The following ZNF28 variants were observed in gnomAD, a reference collection of about 807,000 sequenced individuals.
The protein encoded by ZNF28 is zinc finger protein KOX24.
Under a neutral mutation model 7.2 loss-of-function variants are expected in ZNF28, and 5 were observed. The observed-to-expected ratio is 0.70, with a 90% CI of 0.36 to 1.46. ZNF28 has a LOEUF of 1.46. ZNF28 is among the 40% of genes most tolerant of loss of function. The pLI, the probability that ZNF28 is intolerant of heterozygous loss-of-function variation, is 0.03. For missense variants in ZNF28, 879 were observed against 866.6 expected, an observed-to-expected ratio of 1.01 and a Z score of -0.18; for synonymous variants, 288 against 292.4, an observed-to-expected ratio of 0.99 and a Z score of 0.15.
At chr19:52,805,274 A>G (rs1165422261) in intron 3 of ZNF28, 1 of 62,094 alleles carries the variant, frequency 1.6e-5, no homozygotes. Flanking sequence ...TGTCTCAAAG[A>G]AAAAAAAAAA....
intron 3 of ZNF28, among the ~76,000 whole-genome samples, chr19:52,803,149 G>T (rs1320800569): frequency 1.3e-5 from 2 of 152,090 alleles, no homozygotes; most frequent in Non-Finnish European, 2.9e-5. Context: ...GTATGATCTT[G>T]GCTCAATGCA....
intron 3 of ZNF28, among the ~76,000 whole-genome samples, chr19:52,802,463 T>C (rs2062884271): frequency 6.6e-6 from 1 of 152,078 alleles, no homozygotes. Context: ...GCAGATCACC[T>C]CACGTCAGGA....
At chr19:52,819,667 T>C (rs767926109) in intron 1 of ZNF28, among the ~76,000 whole-genome samples, 3 of 139,352 alleles carry the variant, frequency 2.2e-5, no homozygotes, top group Admixed American at 7.2e-5. Flanking sequence ...GCCTGAATTC[T>C]TACATGGGGG....
chr19:52,817,498 GT>G (rs1349572498), intron 2 of ZNF28, among the ~76,000 whole-genome samples: 1 of 152,122 alleles, frequency 6.6e-6, no homozygotes. Flanking sequence ...TAAAAATGTG[GT>G]ATAAAATCAG....
chr19:52,820,628 C>T, intron 1 of ZNF28, among the ~76,000 whole-genome samples: 1 of 152,008 alleles, frequency 6.6e-6, no homozygotes. Flanking sequence ...CCACTCTGCT[C>T]TGTCTGACCC....
Position 52,799,883 on chromosome 19 carries a change from A to G in ZNF28, c.1962T>C (p.His654=). The G allele has an allele frequency of 6.2e-7, 1 of 1,613,212 alleles. No homozygotes were observed. Among genetic ancestry groups the G allele is most frequent in the Non-Finnish European group, 8.5e-7 (1 of 1,179,812 alleles). ...FSQMSSLVYH[H]RLHSGEKPYK... is the part of the protein sequence containing the mutation. ...AAGGTTTCTCTCCACTATGAAGCCT[A>G]TGATGGTATACGAGGGATGACATCT... The change falls in exon 4 of 4, where the codon CAT becomes CAC. Residue 654 remains histidine (H), a synonymous_variant. Coordinates refer to ENST00000457749, the MANE Select transcript of ZNF28 (RefSeq NM_006969.5).
At chr19:52,812,458 G>A (rs1203814135) in intron 2 of ZNF28, among the ~76,000 whole-genome samples, 1 of 123,534 alleles carries the variant, frequency 8.1e-6, no homozygotes, top group South Asian at 2.5e-4. Context: ...GTTGATCTGT[G>A]ACCTTATCCC....
chr19:52,810,032 G>A, intron 2 of ZNF28: 4 of 739,472 alleles, frequency 5.4e-6, no homozygotes, highest in Non-Finnish European at 9.8e-6. Context: ...CCGAAGAGGA[G>A]CCGCTCCAGC....
intron 2 of ZNF28, among the ~76,000 whole-genome samples, chr19:52,811,225 G>C (rs952359914): frequency 9.2e-5 from 14 of 151,426 alleles, no homozygotes; most frequent in Non-Finnish European, 1.8e-4. Context: ...GTGCAGCGGC[G>C]TGATCTCGGC....
intron 3 of ZNF28, among the ~76,000 whole-genome samples, chr19:52,802,876 T>C (rs1437588515): frequency 6.7e-6 from 1 of 149,584 alleles, no homozygotes; most frequent in African/African-American, 2.5e-5. Context: ...TTCTCCTGCC[T>C]CAGCCTCCCC....
intron 2 of ZNF28, among the ~76,000 whole-genome samples, chr19:52,817,722 A>C (rs12459162): frequency 0.59 from 89,238 of 151,804 alleles, 27,436 homozygotes; most frequent in Non-Finnish European, 0.7. Context: ...TGGGTGTGAG[A>C]CCTTCCCAGG....
Position 52,817,948 on chromosome 19 carries a change from G to A in ZNF28, c.11C>T (p.Pro4Leu). 1 of 1,610,882 alleles carries A rather than the reference G, an allele frequency of 6.2e-7. No individual in the cohort carries two copies. The highest frequency in any genetic ancestry group is 8.5e-7 in the Non-Finnish European group (1 of 1,179,828). The change falls in exon 2 of 4, where the codon CCT becomes CTT. Residue 4 changes from proline to leucine, a missense_variant. Pro to Leu is a moderately conservative substitution (Grantham distance 98, BLOSUM62 -3). Around this residue, in one of 2 missense-constraint regions of ZNF28, gnomAD observed 864 missense variants for 830.2 expected, o/e 1.04. Transcript: ENST00000457749. ...CCACCGAGAATACCATCTCACCTGAGGAAGAGCCATCCCTGACTCCTTTGC... is the reference window on the plus strand; with the variant it reads ...CCACCGAGAATACCATCTCACCTGAAGAAGAGCCATCCCTGACTCCTTTGC... Reference protein sequence around the residue: MALPQGLLTFRDVA... With the variant: MALLQGLLTFRDVA...
chr19:52,804,105 G>T (rs1645344410), intron 3 of ZNF28, among the ~76,000 whole-genome samples: 1 of 152,178 alleles, frequency 6.6e-6, no homozygotes. Flanking sequence ...CATTTATAGA[G>T]ACATTAAAGA....
chr19:52,810,683 C>G (rs560698347), intron 2 of ZNF28: 22 of 862,300 alleles, frequency 2.6e-5, no homozygotes, highest in Non-Finnish European at 4.2e-5. Context: ...CGGGCTAGAG[C>G]GACATCACGG....
rs772869408 is a variant in ZNF28 at position 52,800,176 on chromosome 19, C to A, written c.1669G>T (p.Glu557Ter). The A allele has an allele frequency of 6.2e-7, 1 of 1,613,452 alleles. No homozygotes were observed. Among genetic ancestry groups the A allele is most frequent in the Admixed American group, 1.7e-5 (1 of 59,972 alleles). Residue 557 changes from glutamate to a stop codon, truncating the protein, a stop_gained, in exon 4 of 4, where the codon GAG (glutamate) becomes TAG (stop). Transcript: ENST00000457749. LOFTEE classifies it low-confidence loss of function (END_TRUNC). ...AEKPYKCEECEKVFSRKSHME... is the reference protein window; with the variant it reads ...AEKPYKCEEC ...TGTGATTTGCGACTGAAAACTTTCT[C>A]ACATTCTTCACATTTGTACGGTTTC...
rs143696554 is a variant in ZNF28, at chr19:52,818,248, C to T, written c.-73-217G>A. Among the ~76,000 whole-genome samples the T allele has an allele frequency of 4.2e-3, 646 of 152,254 alleles. 6 individuals carry two copies. Among genetic ancestry groups the T allele is most frequent in the African/African-American group, 0.015 (627 of 41,548 alleles). On this transcript the variant is annotated intron_variant, in intron 1 of 3. Transcript: ENST00000457749. ...CAGTGGGGAGCTGGGCTGGGATGAGCTCCCCTTCAGGAAATCTCTACCATA... is the reference window on the plus strand; with the variant it reads ...CAGTGGGGAGCTGGGCTGGGATGAGTTCCCCTTCAGGAAATCTCTACCATA...
At chr19:52,815,267 G>C (rs1451686506) in intron 2 of ZNF28, among the ~76,000 whole-genome samples, 1 of 145,146 alleles carries the variant, frequency 6.9e-6, no homozygotes, top group Non-Finnish European at 1.5e-5. Context: ...TGTAATCTCA[G>C]CACTTTGGGA....
intron 2 of ZNF28, among the ~76,000 whole-genome samples, chr19:52,808,532 G>A (rs1305178310): frequency 6.6e-6 from 1 of 151,878 alleles, no homozygotes; most frequent in African/African-American, 2.4e-5. Context: ...AGCTACGCAG[G>A]AGGCTGAGGC....
Position 52,799,009 on chromosome 19 carries a change from C to A in ZNF28, c.*679G>T, listed in dbSNP as rs540693916. On this transcript the variant is annotated 3_prime_UTR_variant, in exon 4 of 4. Transcript: ENST00000457749. ...CACTCCCAAAAGCCTTGTTACAAAC[C>A]TTACATTTGTATGTTTTTTCTCCAG... is the stretch of plus-strand genomic sequence containing the variant. 3.7e-6 allele frequency: 3 copies of A among 804,510 alleles called. No homozygotes were observed. The South Asian group carries it at 4.9e-5, about 13-fold the overall frequency. The allele number at this position is 804,510 out of a possible 1,614,324, so 49.8% of individuals were successfully genotyped here. A position where few individuals can be genotyped will look rare whatever the true frequency, so the allele number is the denominator to read the frequency against.
Sources: gnomAD v4.1 joint callset for allele counts (sites outside exome capture counted in the v4.1 genomes callset) on GRCh38, gnomAD v4.1.1 for gene constraint, gnomAD v4.1.1 regional missense constraint, MANE v1.5 for transcripts, NCBI Gene and HGNC (gene_info 2026-07-23, HGNC 2026-07-21) for gene names.